CHL1: variants seen among roughly 807,000 people sequenced by gnomAD.
The protein encoded by CHL1 is neural cell adhesion molecule L1-like protein.
CHL1 carries 96 observed loss-of-function variants against 141.9 expected under a neutral mutation model. That is an observed-to-expected ratio of 0.68 (90% CI 0.57 to 0.80). The LOEUF (loss-of-function observed/expected upper bound fraction) is 0.80, where lower values mean the gene tolerates loss of function less well. CHL1 is among the 30% of genes least tolerant of loss of function. The pLI is 0.00. For synonymous variants in CHL1, 613 were observed against 502.2 expected, an observed-to-expected ratio of 1.22 and a Z score of -2.95; for missense variants, 1,820 against 1,457.2, an observed-to-expected ratio of 1.25 and a Z score of -4.05.
chr3:280,069 A>G (rs1341386126), intron 2 of CHL1, among the ~76,000 whole-genome samples: 1 of 152,238 alleles, frequency 6.6e-6, no homozygotes, highest in Non-Finnish European at 1.5e-5. Context: ...AATAAAAAGA[A>G]ATAAATATAG....
intron 3 of CHL1, among the ~76,000 whole-genome samples, chr3:322,779 G>C (rs1018549047): frequency 1.3e-5 from 2 of 150,230 alleles, no homozygotes; most frequent in African/African-American, 4.9e-5. Context: ...AGGAGGTTGA[G>C]GCTGCAGTGA....
intron 10 of CHL1, among the ~76,000 whole-genome samples, chr3:354,279 C>T (rs1318703942): frequency 6.6e-6 from 1 of 151,938 alleles, no homozygotes; most frequent in Non-Finnish European, 1.5e-5. Flanking sequence ...TTGAAAATAA[C>T]CTGTAGTGAG....
At chr3:404,358 T>C (rs1403082299) in intron 27 of CHL1, among the ~76,000 whole-genome samples, 1 of 152,200 alleles carries the variant, frequency 6.6e-6, no homozygotes, top group African/African-American at 2.4e-5. Flanking sequence ...TATAAAGTGA[T>C]ATGTACATCC....
At chr3:342,178 T>C (rs1168627543) in intron 7 of CHL1, 96 bp downstream of exon 7, 2 of 1,150,970 alleles carry the variant, frequency 1.7e-6, no homozygotes, top group Non-Finnish European at 2.5e-6. Context: ...TGGGTTGATA[T>C]TTTGCACCAT....
At chr3:217,840 T>C (rs1700456137) in intron 1 of CHL1, 1 of 152,220 alleles carries the variant, frequency 6.6e-6, no homozygotes, top group South Asian at 2.1e-4. Context: ...TATATTTATA[T>C]ATACAAACAA....
At chr3:385,621 A>G (rs1707599354) in intron 19 of CHL1, 2 of 152,290 alleles carry the variant, frequency 1.3e-5, no homozygotes, top group Admixed American at 1.3e-4. Flanking sequence ...CAAGATCAGG[A>G]GTTTGAGACC....
intron 19 of CHL1, among the ~76,000 whole-genome samples, 159 bp downstream of exon 19, chr3:384,045 A>G (rs1707375077): frequency 6.6e-6 from 1 of 152,210 alleles, no homozygotes; most frequent in South Asian, 2.1e-4. Flanking sequence ...TTTAAAGATC[A>G]TTGTGATTAA....
At chr3:340,668 C>A in intron 5 of CHL1, 126 bp from the exon 6 acceptor site, 2 of 754,398 alleles carry the variant, frequency 2.7e-6, no homozygotes, top group Non-Finnish European at 4.2e-6. Flanking sequence ...GATGTAAGAA[C>A]CAGGATCTGT....
intron 1 of CHL1, among the ~76,000 whole-genome samples, chr3:212,956 A>T (rs569981331): frequency 2.0e-4 from 31 of 152,360 alleles, no homozygotes; most frequent in Admixed American, 2.0e-3. Context: ...AAATATACTA[A>T]CTTAAAATGA....
chr3:393,038 C>A (rs1244497262), intron 23 of CHL1, among the ~76,000 whole-genome samples: 1 of 152,024 alleles, frequency 6.6e-6, no homozygotes, highest in Non-Finnish European at 1.5e-5. Context: ...TCGAGACCAT[C>A]CTGGCTAACA....
At chr3:256,561 C>A (rs75368261) in intron 2 of CHL1, among the ~76,000 whole-genome samples, 4,132 of 152,232 alleles carry the variant, frequency 0.027, 188 homozygotes, top group African/African-American at 0.093. Flanking sequence ...AGACTTGCAC[C>A]TGGTCAGTAG....
At chr3:292,690 C>T (rs887779562) in intron 2 of CHL1, among the ~76,000 whole-genome samples, 5 of 152,158 alleles carry the variant, frequency 3.3e-5, no homozygotes, top group African/African-American at 1.2e-4. Flanking sequence ...CATGGCACCG[C>T]TCAGCTTCTG....
chr3:249,964 A>G (rs1162945817), intron 2 of CHL1, among the ~76,000 whole-genome samples: 2 of 152,004 alleles, frequency 1.3e-5, no homozygotes, highest in Admixed American at 6.6e-5. Flanking sequence ...TAATAGGAAA[A>G]AAAAGCATAC....
In CHL1 at chr3:406,637, A is replaced by C. The variant is rs1020062632; in HGVS notation, c.*926A>C. The stretch of plus-strand genomic sequence containing the variant: ...TTATGTTAATATTTACACAATTTAA[A>C]ATATAGATGTGTTTTATTTTGAAGT... On this transcript the variant is annotated 3_prime_UTR_variant, in exon 28 of 28. Transcript: ENST00000256509. 1 of 152,098 alleles carries C rather than the reference A, an allele frequency of 6.6e-6. No individual in the cohort carries two copies. The highest frequency in any genetic ancestry group is 1.5e-5 in the Non-Finnish European group (1 of 68,018). 9.4% of individuals were successfully genotyped at this position (152,098 alleles called of 1,614,324 possible). A position where few individuals can be genotyped will look rare whatever the true frequency, so the allele number is the denominator to read the frequency against.
intron 2 of CHL1, among the ~76,000 whole-genome samples, chr3:289,543 A>G (rs1388265103): frequency 6.6e-6 from 1 of 152,164 alleles, no homozygotes. Flanking sequence ...TGAATTAGTA[A>G]ATACTGAACA....
intron 1 of CHL1, among the ~76,000 whole-genome samples, chr3:203,648 A>T (rs1699150410): frequency 6.6e-6 from 1 of 152,164 alleles, no homozygotes; most frequent in Non-Finnish European, 1.5e-5. Context: ...TCCTGGAAGG[A>T]GGTGGGAGCA....
rs189870477 is a variant in CHL1 at position 389,509 on chromosome 3, G to C, written c.2470+35G>C. On this transcript the variant is annotated intron_variant, in intron 20 of 27. Transcript: ENST00000256509. ...GCACCTAAAACTGCTAAGCACGTCA[G>C]TAACTGTTGCTTTCAAATATATTGT... 1.9e-5 allele frequency: 28 copies of C among 1,491,476 alleles called. No individual in the cohort carries two copies. In the Admixed American group the frequency reaches 4.4e-4, roughly 23 times the overall value. The allele number at this position is 1,491,476 out of a possible 1,614,324, so 92.4% of individuals were successfully genotyped here.
At chr3:242,851 T>A (rs1216485881) in intron 1 of CHL1, among the ~76,000 whole-genome samples, 1 of 152,174 alleles carries the variant, frequency 6.6e-6, no homozygotes, top group African/African-American at 2.4e-5. Flanking sequence ...AGCTACAGTC[T>A]CCATGCCTAA....
At chr3:360,214 T>C (rs1378460560) in intron 11 of CHL1, 70 bp from the exon 12 acceptor site, 3 of 1,517,076 alleles carry the variant, frequency 2.0e-6, no homozygotes, top group African/African-American at 2.7e-5. Flanking sequence ...GTGTGACACA[T>C]TTAATAAATG....
Sources: allele counts gnomAD v4.1 joint callset (sites outside exome capture counted in the v4.1 genomes callset), GRCh38; gene constraint gnomAD v4.1.1; transcripts MANE v1.5; gene names NCBI Gene and HGNC (gene_info 2026-07-23, HGNC 2026-07-21).